CATSPERE: variants seen among roughly 807,000 people sequenced by gnomAD.
CATSPERE encodes the protein catsper channel auxiliary subunit epsilon, also known as cation channel sperm-associated auxiliary subunit epsilon.
Under a neutral mutation model 114.1 loss-of-function variants are expected in CATSPERE, and 93 were observed. The observed-to-expected ratio is 0.81, with a 90% CI of 0.69 to 0.97. The LOEUF (loss-of-function observed/expected upper bound fraction) is 0.97. CATSPERE is among the 50% of genes least tolerant of loss of function. CATSPERE has a pLI of 0.00. For synonymous variants in CATSPERE, 341 were observed against 384.1 expected, an observed-to-expected ratio of 0.89 and a Z score of 1.31; for missense variants, 1,058 against 1,131.6, an observed-to-expected ratio of 0.93 and a Z score of 0.93.
At chr1:244,627,301 T>C (rs964068853) in intron 20 of CATSPERE, among the ~76,000 whole-genome samples, 1 of 151,996 alleles carries the variant, frequency 6.6e-6, no homozygotes. Flanking sequence ...ATAACAGATA[T>C]AATAATAGTG....
At chr1:244,608,876 C>T (rs541832932) in intron 18 of CATSPERE, among the ~76,000 whole-genome samples, 3 of 152,138 alleles carry the variant, frequency 2.0e-5, no homozygotes, top group Non-Finnish European at 2.9e-5. Flanking sequence ...CTGCTTTATC[C>T]ATGCCTGTGT....
At chr1:244,558,079 G>C (rs964521456) in intron 9 of CATSPERE, among the ~76,000 whole-genome samples, 3 of 150,342 alleles carry the variant, frequency 2.0e-5, no homozygotes, top group African/African-American at 7.3e-5. Context: ...GCTTCCCAAA[G>C]TGCTGAGATT....
At chr1:244,471,223 TTAA>T (rs1668431117) in intron 2 of CATSPERE, among the ~76,000 whole-genome samples, 1 of 152,194 alleles carries the variant, frequency 6.6e-6, no homozygotes, top group African/African-American at 2.4e-5. Context: ...CACCTAAAAA[TTAA>T]TAATCATTCC....
At chr1:244,564,096 G>A (rs1490928199) in intron 10 of CATSPERE, among the ~76,000 whole-genome samples, 2 of 152,106 alleles carry the variant, frequency 1.3e-5, no homozygotes, top group Non-Finnish European at 2.9e-5. Context: ...CCTCTGTTCT[G>A]TTCCATTGGT....
At chr1:244,492,071 G>A (rs1181976285) in intron 6 of CATSPERE, among the ~76,000 whole-genome samples, 1 of 152,076 alleles carries the variant, frequency 6.6e-6, no homozygotes, top group African/African-American at 2.4e-5. Context: ...AGAAAAAGAG[G>A]GAATCCTCCC....
chr1:244,479,014 G>C (rs1481509438), intron 4 of CATSPERE, among the ~76,000 whole-genome samples: 1 of 92,756 alleles, frequency 1.1e-5, no homozygotes, highest in East Asian at 3.6e-4. Flanking sequence ...GGGGACAAGA[G>C]CCAAACTTCG....
intron 8 of CATSPERE, among the ~76,000 whole-genome samples, chr1:244,546,987 A>G (rs545954445): frequency 1.1e-3 from 167 of 152,296 alleles, no homozygotes; most frequent in African/African-American, 3.9e-3. Context: ...ATTAAAGGTC[A>G]TCAGTCAGAT....
chr1:244,606,606 CT>C lies in CATSPERE; in HGVS notation c.2403+829del, dbSNP rs57618634. ...AGTATTGCAAGAATTCTTTCTTTTG[CT>C]TTTTTTTTTTTTTTTTAAGAGTCTC... On this transcript the variant is annotated intron_variant, in intron 18 of 21. Transcript: ENST00000366534. Among the ~76,000 whole-genome samples, 246 of 133,214 alleles carry C rather than the reference CT, an allele frequency of 1.8e-3. 2 individuals carry two copies. The highest frequency in any genetic ancestry group is 4.2e-3 in the African/African-American group (149 of 35,602). The allele number at this position is 133,214 out of a possible 152,430, so 87.4% of individuals were successfully genotyped here. A position where few individuals can be genotyped will look rare whatever the true frequency, so the allele number is the denominator to read the frequency against.
At chr1:244,477,026 G>A (rs1049134774) in intron 2 of CATSPERE, among the ~76,000 whole-genome samples, 19 of 151,872 alleles carry the variant, frequency 1.3e-4, no homozygotes, top group Admixed American at 4.6e-4. Context: ...ATGGAGTTTC[G>A]CTCTTGTCTC....
At chr1:244,636,285 GT>G (rs1000580355) in intron 21 of CATSPERE, among the ~76,000 whole-genome samples, 19 of 151,368 alleles carry the variant, frequency 1.3e-4, no homozygotes, top group African/African-American at 4.7e-4. Flanking sequence ...GGGTGTTTGG[GT>G]TTTGTTTGAT....
rs373506768 is a variant in CATSPERE at position 244,490,502 on chromosome 1, T to C, written c.351+31T>C. ...ATATTTTTTAAATTTTGTATAGCCT[T>C]CATATATCACTAGTATATTGTTTCT... On this transcript the variant is annotated intron_variant, in intron 6 of 21. Transcript: ENST00000366534. 234 of 1,249,756 alleles carry C rather than the reference T, an allele frequency of 1.9e-4. 2 individuals carry two copies. In the African/African-American group the frequency reaches 3.3e-3, roughly 18 times the overall value. 77.4% of individuals were successfully genotyped at this position (1,249,756 alleles called of 1,614,324 possible).
At position 244,477,914 on chromosome 1, in the gene CATSPERE, C is replaced by T. The variant is rs11586356; in HGVS notation, c.197C>T (p.Thr66Met). Residue 66 changes from threonine to methionine, a missense_variant, in exon 4 of 22, where the codon ACG becomes ATG. Transcript: ENST00000366534. ...TCFVLNKSSP[T>M]TELRCSSPGV... is the part of the protein sequence containing the mutation. The stretch of plus-strand genomic sequence containing the variant: ...ATCTTTTTAAACACTAGCTCACCCA[C>T]GACAGAATTGCGTTGTTCCTCACCT... 24 of 1,604,824 alleles carry T rather than the reference C, an allele frequency of 1.5e-5. No individual in the cohort carries two copies. Among genetic ancestry groups the T allele is most frequent in the African/African-American group, 1.2e-4 (9 of 74,660 alleles).
intron 8 of CATSPERE, among the ~76,000 whole-genome samples, chr1:244,549,796 C>T (rs3003224): frequency 0.71 from 107,712 of 151,994 alleles, 40,137 homozygotes; most frequent in East Asian, 0.87. Context: ...CTAGGGGATG[C>T]CCGGATAGCT....
intron 21 of CATSPERE, among the ~76,000 whole-genome samples, chr1:244,638,309 C>G (rs1573143963): frequency 6.6e-6 from 1 of 152,208 alleles, no homozygotes; most frequent in South Asian, 2.1e-4. Context: ...TTCCAGTCCT[C>G]ATCTTATTAG....
intron 1 of CATSPERE, among the ~76,000 whole-genome samples, 191 bp downstream of exon 1, chr1:244,461,685 G>GA: frequency 6.6e-6 from 1 of 152,278 alleles, no homozygotes; most frequent in East Asian, 1.9e-4. Flanking sequence ...CCATGAGCGA[G>GA]AGGGGACGCA....
At chr1:244,520,233 A>C (rs760015732) in intron 8 of CATSPERE, among the ~76,000 whole-genome samples, 1 of 152,036 alleles carries the variant, frequency 6.6e-6, no homozygotes, top group South Asian at 2.1e-4. Context: ...TTTTTTTCCT[A>C]TGAGTATTAT....
chr1:244,614,494 G>C (rs1671129021), intron 19 of CATSPERE, among the ~76,000 whole-genome samples: 1 of 152,216 alleles, frequency 6.6e-6, no homozygotes, highest in South Asian at 2.1e-4. Flanking sequence ...TCCACCTTGT[G>C]ATCTCCTCCT....
chr1:244,494,519 G>C (rs1376152503), intron 6 of CATSPERE, among the ~76,000 whole-genome samples: 2 of 150,574 alleles, frequency 1.3e-5, no homozygotes, highest in Non-Finnish European at 3.0e-5. Context: ...GAGTTAATGG[G>C]TGCAGCACAC....
At chr1:244,503,268 A>T (rs149762755) in intron 7 of CATSPERE, among the ~76,000 whole-genome samples, 7 of 151,988 alleles carry the variant, frequency 4.6e-5, no homozygotes, top group African/African-American at 9.7e-5. Flanking sequence ...AATGTGAATT[A>T]AAAAAAATTT....
Sources: gnomAD v4.1 joint callset for allele counts (sites outside exome capture counted in the v4.1 genomes callset) on GRCh38, gnomAD v4.1.1 for gene constraint, MANE v1.5 for transcripts, NCBI Gene and HGNC (gene_info 2026-07-23, HGNC 2026-07-21) for gene names.